MYO1E: variants seen among roughly 807,000 people sequenced by gnomAD.
The protein encoded by MYO1E is unconventional myosin-Ie.
Under a neutral mutation model 151.1 loss-of-function variants are expected in MYO1E, and 68 were observed. That is an observed-to-expected ratio of 0.45 (90% CI 0.37 to 0.55). MYO1E has a LOEUF of 0.55. Ranked by LOEUF, MYO1E falls within the 20% of genes least tolerant of loss-of-function variation. MYO1E has a pLI of 0.00. For synonymous variants in MYO1E, 601 were observed against 501.7 expected, an observed-to-expected ratio of 1.20 and a Z score of -2.64; for missense variants, 1,363 against 1,389.3, an observed-to-expected ratio of 0.98 and a Z score of 0.30.
chr15:59,294,415 T>G (rs147376180), intron 1 of MYO1E, among the ~76,000 whole-genome samples: 2,562 of 152,320 alleles, frequency 0.017, 77 homozygotes, highest in African/African-American at 0.058. Context: ...CCAAATAGAT[T>G]TGGACAAAGG....
At position 59,133,754 on chromosome 15, in the gene MYO1E, A is replaced by C. The variant is rs952405324; in HGVS notation, c.*3626T>G. ...CATGCTCTGCTCTTGATTGCCCTGG[A>C]AACCAGAATCCAGCCCTACTGCCAG... On this transcript the variant is annotated 3_prime_UTR_variant, in exon 28 of 28. Transcript: ENST00000288235. 1.3e-5 allele frequency: 2 copies of C among 152,212 alleles called. No homozygotes were observed. The highest frequency in any genetic ancestry group is 2.9e-5 in the Non-Finnish European group (2 of 68,068). 9.4% of individuals were successfully genotyped at this position (152,212 alleles called of 1,614,324 possible). A position where few individuals can be genotyped will look rare whatever the true frequency, so the allele number is the denominator to read the frequency against.
intron 1 of MYO1E, among the ~76,000 whole-genome samples, chr15:59,309,661 G>A (rs1037414849): frequency 2.0e-5 from 3 of 152,174 alleles, no homozygotes; most frequent in Admixed American, 6.5e-5. Context: ...TCTACACTCC[G>A]TTTAGAGAAA....
chr15:59,283,378 A>T (rs1002967554), intron 1 of MYO1E, among the ~76,000 whole-genome samples: 5 of 151,860 alleles, frequency 3.3e-5, no homozygotes, highest in Admixed American at 6.6e-5. Context: ...ACTCCTCCCT[A>T]CCTCAACCCA....
chr15:59,144,874 A>G (rs1158990928), intron 26 of MYO1E, among the ~76,000 whole-genome samples: 1 of 150,540 alleles, frequency 6.6e-6, no homozygotes, highest in East Asian at 2.0e-4. Flanking sequence ...ACGGAGTTTC[A>G]CTCTTGTTGC....
At chr15:59,244,510 A>G (rs1566990452) in intron 4 of MYO1E, among the ~76,000 whole-genome samples, 1 of 152,168 alleles carries the variant, frequency 6.6e-6, no homozygotes, top group African/African-American at 2.4e-5. Flanking sequence ...CGCCTTAGAC[A>G]GAGAGAATAG....
chr15:59,179,662 A>G (rs2079646632), intron 18 of MYO1E, among the ~76,000 whole-genome samples: 1 of 152,230 alleles, frequency 6.6e-6, no homozygotes, highest in Admixed American at 6.5e-5. Context: ...AGCGTCAGAG[A>G]TGGGATTTGA....
In MYO1E at chr15:59,141,460, T is replaced by C. The variant is rs147469969; in HGVS notation, c.3081-3093A>G. ...GTAAATGCTATGTAAATAGTTGTTATACTATATTGTTTAGGGAATAATGAC... is the reference window on the plus strand; with the variant it reads ...GTAAATGCTATGTAAATAGTTGTTACACTATATTGTTTAGGGAATAATGAC... On this transcript the variant is annotated intron_variant, in intron 26 of 27. Transcript: ENST00000288235. Among the ~76,000 whole-genome samples, 364 of 152,376 alleles carry C rather than the reference T, an allele frequency of 2.4e-3. 11 individuals carry two copies. In the East Asian group the frequency reaches 0.037, roughly 16 times the overall value.
intron 10 of MYO1E, among the ~76,000 whole-genome samples, chr15:59,217,177 A>G (rs1388675014): frequency 6.6e-6 from 1 of 152,182 alleles, no homozygotes; most frequent in Non-Finnish European, 1.5e-5. Flanking sequence ...TCTCACCCTC[A>G]GAAACTGAGA....
chr15:59,245,402 C>G (rs2080123612), intron 4 of MYO1E, among the ~76,000 whole-genome samples: 1 of 152,188 alleles, frequency 6.6e-6, no homozygotes, highest in Non-Finnish European at 1.5e-5. Flanking sequence ...GTGATGACTA[C>G]TATCTCCTTT....
intron 1 of MYO1E, among the ~76,000 whole-genome samples, chr15:59,341,704 T>C (rs1238028292): frequency 2.0e-5 from 3 of 152,220 alleles, no homozygotes; most frequent in Non-Finnish European, 4.4e-5. Flanking sequence ...TATTGCTGAT[T>C]AGTACTCTGT....
intron 22 of MYO1E, among the ~76,000 whole-genome samples, chr15:59,165,128 T>C (rs1473122781): frequency 2.6e-5 from 4 of 152,186 alleles, no homozygotes; most frequent in Non-Finnish European, 5.9e-5. Context: ...TCTTACTGTT[T>C]ACATATTACC....
At chr15:59,284,423 T>C (rs1255427298) in intron 1 of MYO1E, among the ~76,000 whole-genome samples, 2 of 152,176 alleles carry the variant, frequency 1.3e-5, no homozygotes, top group Non-Finnish European at 2.9e-5. Context: ...GTAACAGATA[T>C]TTGAGGTTGG....
chr15:59,282,656 G>C (rs997949353), intron 1 of MYO1E, among the ~76,000 whole-genome samples: 1 of 149,902 alleles, frequency 6.7e-6, no homozygotes, highest in East Asian at 2.0e-4. Context: ...GGCCAGCCTG[G>C]ACAACATAGC....
chr15:59,186,236 T>A (rs1190336150), intron 18 of MYO1E, among the ~76,000 whole-genome samples: 1 of 152,172 alleles, frequency 6.6e-6, no homozygotes, highest in Non-Finnish European at 1.5e-5. Flanking sequence ...TTCTGACGCT[T>A]TATTATACAA....
In MYO1E at chr15:59,221,948, A is replaced by G. The variant is rs527729747; in HGVS notation, c.910+1111T>C. ...GTGTTAATGATCCTACTGGAAATAT[A>G]TGTGCATTTGTTAAATGTCAAGGAT... On this transcript the variant is annotated intron_variant, in intron 9 of 27. Coordinates refer to ENST00000288235, the MANE Select transcript of MYO1E (RefSeq NM_004998.4). Among the ~76,000 whole-genome samples the G allele has an allele frequency of 3.3e-5, 5 of 152,334 alleles. No individual in the cohort carries two copies. In the South Asian group the frequency reaches 1.0e-3, roughly 32 times the overall value.
In MYO1E at chr15:59,178,549, T is replaced by A. The variant is rs759588591; in HGVS notation, c.1905-12A>T. 3.7e-6 allele frequency: 6 copies of A among 1,613,788 alleles called. No individual in the cohort carries two copies. The Admixed American group carries it at 5.0e-5, about 13-fold the overall frequency. On this transcript the variant is annotated splice_polypyrimidine_tract_variant and intron_variant, in intron 18 of 27. Coordinates refer to ENST00000288235, the MANE Select transcript of MYO1E (RefSeq NM_004998.4). ...TCAGAATGGCATACCTGTGGGGACA[T>A]TGGGGAGAAGAGAATCACACTTGGG... is the stretch of plus-strand genomic sequence containing the variant.
intron 1 of MYO1E, among the ~76,000 whole-genome samples, chr15:59,354,828 G>GC (rs1201725784): frequency 6.6e-6 from 1 of 152,078 alleles, no homozygotes; most frequent in African/African-American, 2.4e-5. Context: ...TGAGAAACAG[G>GC]TAGAAACCTT....
intron 4 of MYO1E, among the ~76,000 whole-genome samples, chr15:59,241,780 G>T (rs1222815766): frequency 2.6e-5 from 4 of 151,988 alleles, no homozygotes; most frequent in Non-Finnish European, 5.9e-5. Flanking sequence ...TTAGCTGGGT[G>T]TGGTAGTGTG....
At chr15:59,313,835 G>A (rs2080568421) in intron 1 of MYO1E, among the ~76,000 whole-genome samples, 1 of 152,208 alleles carries the variant, frequency 6.6e-6, no homozygotes, top group Admixed American at 6.5e-5. Flanking sequence ...AGGAACCAAG[G>A]ATGGTATTTT....
Sources: allele counts gnomAD v4.1 joint callset (sites outside exome capture counted in the v4.1 genomes callset), GRCh38; gene constraint gnomAD v4.1.1; transcripts MANE v1.5; gene names NCBI Gene and HGNC (gene_info 2026-07-23, HGNC 2026-07-21).